GCKR: variants seen among roughly 807,000 people sequenced by gnomAD.
GCKR encodes the protein glucokinase regulator.
Under a neutral mutation model 82.9 loss-of-function variants are expected in GCKR, and 73 were observed. That is an observed-to-expected ratio of 0.88 (90% CI 0.73 to 1.07). The LOEUF (loss-of-function observed/expected upper bound fraction) is 1.07, where lower values mean the gene tolerates loss of function less well. Among genes scored for constraint, GCKR ranks in the 50% least tolerant of loss-of-function variants. GCKR has a pLI of 0.00. For synonymous variants in GCKR, 294 were observed against 291.8 expected, an observed-to-expected ratio of 1.01 and a Z score of -0.08; for missense variants, 784 against 782.1, an observed-to-expected ratio of 1.00 and a Z score of -0.03.
rs1260320 is a variant in GCKR, at chr2:27,499,549, G to A, written c.549+99G>A. 0.4 allele frequency: 374,779 copies of A among 939,902 alleles called. 78,893 individuals are homozygous for A. The highest frequency in any genetic ancestry group is 0.58 in the African/African-American group (36,271 of 62,222). The allele number at this position is 939,902 out of a possible 1,614,324, so 58.2% of individuals were successfully genotyped here. On this transcript the variant is annotated intron_variant, in intron 7 of 18. Transcript: ENST00000264717. ...TAGATCAATGAGATCGGTGCTAGAA[G>A]GCAGGAAGTTTGCTCAAGGAATTTT...
chr2:27,516,125 T>C (rs1378477251), intron 16 of GCKR, among the ~76,000 whole-genome samples: 1 of 151,696 alleles, frequency 6.6e-6, no homozygotes, highest in Non-Finnish European at 1.5e-5. Context: ...TTTAGGATGC[T>C]ATCTGTGTCA....
intron 17 of GCKR, among the ~76,000 whole-genome samples, chr2:27,520,846 G>A (rs955047910): frequency 2.0e-5 from 3 of 151,702 alleles, no homozygotes; most frequent in African/African-American, 7.3e-5. Context: ...GACCAGCCTG[G>A]CCAACATGGT....
intron 17 of GCKR, among the ~76,000 whole-genome samples, chr2:27,521,865 G>A (rs1230834590): frequency 6.6e-6 from 1 of 152,082 alleles, no homozygotes; most frequent in Non-Finnish European, 1.5e-5. Flanking sequence ...TGGGACGATA[G>A]GCAGGTGCCA....
At chr2:27,497,699 T>C (rs1015167699) in intron 3 of GCKR, 69 bp downstream of exon 3, 1 of 945,082 alleles carries the variant, frequency 1.1e-6, no homozygotes, top group Non-Finnish European at 1.7e-6. Flanking sequence ...ACTGTCTCTA[T>C]TTCTCACTTT....
intron 8 of GCKR, chr2:27,501,838 TC>T (rs1200862633): frequency 6.4e-6 from 3 of 465,958 alleles, no homozygotes; most frequent in African/African-American, 6.0e-5. Flanking sequence ...CCAGTAGTGC[TC>T]AGATGTGGTT....
At position 27,497,238 on chromosome 2, in the gene GCKR, T is replaced by C; in HGVS notation, c.61-6T>C. ...CTGCTCCATCCTTGTCCCCTCTTCC[T>C]TCTAGTTGTCTGGGTACGAGGCAGC... On this transcript the variant is annotated splice_polypyrimidine_tract_variant and splice_region_variant and intron_variant, in intron 1 of 18. Transcript: ENST00000264717. 1 of 1,614,220 alleles carries C rather than the reference T, an allele frequency of 6.2e-7. No individual in the cohort carries two copies. Among genetic ancestry groups the C allele is most frequent in the Non-Finnish European group, 8.5e-7 (1 of 1,180,010 alleles).
intron 8 of GCKR, chr2:27,501,795 C>T (rs1278109639): frequency 2.1e-6 from 1 of 471,160 alleles, no homozygotes; most frequent in Non-Finnish European, 4.4e-6. Flanking sequence ...TGTCAGTGGT[C>T]ACTCTTATTT....
At chr2:27,499,798 C>T (rs932074092) in intron 7 of GCKR, among the ~76,000 whole-genome samples, 1 of 152,218 alleles carries the variant, frequency 6.6e-6, no homozygotes, top group African/African-American at 2.4e-5. Context: ...CGCTCTGTCA[C>T]CCAGGCTGGA....
chr2:27,499,872 C>T (rs1284011615), intron 7 of GCKR, among the ~76,000 whole-genome samples: 3 of 151,954 alleles, frequency 2.0e-5, no homozygotes, highest in Non-Finnish European at 4.4e-5. Flanking sequence ...ATTCTCCTGC[C>T]TCAGCCTCCC....
At chr2:27,522,362 C>A in intron 17 of GCKR, 98 bp from the exon 18 acceptor site, 1 of 1,255,262 alleles carries the variant, frequency 8.0e-7, no homozygotes, top group Non-Finnish European at 1.2e-6. Flanking sequence ...GCCTCGGGAT[C>A]CCAGCCTCTC....
chr2:27,505,240 C>CA (rs1458759052), intron 9 of GCKR, among the ~76,000 whole-genome samples: 20 of 129,428 alleles, frequency 1.5e-4, no homozygotes, highest in African/African-American at 5.9e-4. Flanking sequence ...ACTAAAGATA[C>CA]AAAAAATTAG....
Position 27,505,971 on chromosome 2 carries a change from G to A in GCKR, c.869+135G>A. 5.4e-6 allele frequency: 4 copies of A among 744,818 alleles called. No individual in the cohort carries two copies. In the South Asian group the frequency reaches 5.5e-5, roughly 10 times the overall value. The allele number at this position is 744,818 out of a possible 1,614,324, so 46.1% of individuals were successfully genotyped here. A position where few individuals can be genotyped will look rare whatever the true frequency, so the allele number is the denominator to read the frequency against. ...CAGCCCACCACGCCTCCCCTGGGAA[G>A]GGAGCTGGGTAGTACATGCTGTTGC... is the stretch of plus-strand genomic sequence containing the variant. On this transcript the variant is annotated intron_variant, in intron 10 of 18. Coordinates refer to ENST00000264717, the MANE Select transcript of GCKR (RefSeq NM_001486.4).
intron 3 of GCKR, 42 bp downstream of exon 3, chr2:27,497,672 T>G (rs1437935857): frequency 8.3e-7 from 1 of 1,210,956 alleles, no homozygotes; most frequent in South Asian, 1.2e-5. Context: ...CTTTTCTGTT[T>G]CCCTCTTTCT....
chr2:27,501,695 C>T (rs1268941834), intron 8 of GCKR: 3 of 470,476 alleles, frequency 6.4e-6, no homozygotes, highest in Non-Finnish European at 1.3e-5. Flanking sequence ...TCCAGGCACC[C>T]CTTTCCTCCC....
Position 27,509,775 on chromosome 2 carries a change from CAA to C in GCKR, c.1422+1539_1422+1540del, listed in dbSNP as rs11295580. ...AAAATCACTCCAAATCTACCATCTT[CAA>C]AAAAAAAAAAAAAACACTCTAACAA... is the stretch of plus-strand genomic sequence containing the variant. On this transcript the variant is annotated intron_variant, in intron 16 of 18. Transcript: ENST00000264717. 78 of 124,938 alleles carry C rather than the reference CAA, an allele frequency of 6.2e-4. No individual in the cohort carries two copies. The East Asian group carries it at 6.7e-3, about 11-fold the overall frequency. 7.7% of individuals were successfully genotyped at this position (124,938 alleles called of 1,614,324 possible). A position where few individuals can be genotyped will look rare whatever the true frequency, so the allele number is the denominator to read the frequency against.
At chr2:27,509,596 C>A in intron 16 of GCKR, 1 of 419,782 alleles carries the variant, frequency 2.4e-6, no homozygotes, top group South Asian at 1.7e-5. Flanking sequence ...CCCGCCTTAG[C>A]CTCCCAAAGT....
chr2:27,505,672 G>T (rs749969638), intron 9 of GCKR, 46 bp from the exon 10 acceptor site: 2 of 1,008,520 alleles, frequency 2.0e-6, no homozygotes, highest in Admixed American at 1.7e-5. Context: ...GGTCTACGGG[G>T]TCTTCATCCT....
At chr2:27,505,649 G>T (rs1402665129) in intron 9 of GCKR, 69 bp from the exon 10 acceptor site, 3 of 830,662 alleles carry the variant, frequency 3.6e-6, no homozygotes, top group Non-Finnish European at 6.4e-6. Flanking sequence ...ATGCCCGGGG[G>T]TTACTAACAA....
chr2:27,500,547 C>T (rs942578811), intron 7 of GCKR, among the ~76,000 whole-genome samples: 8 of 152,236 alleles, frequency 5.3e-5, no homozygotes, highest in African/African-American at 1.9e-4. Flanking sequence ...ATAGGGCCCA[C>T]AAACCCTAAA....
Sources: gnomAD v4.1 joint callset for allele counts (sites outside exome capture counted in the v4.1 genomes callset) on GRCh38, gnomAD v4.1.1 for gene constraint, MANE v1.5 for transcripts, NCBI Gene and HGNC (gene_info 2026-07-23, HGNC 2026-07-21) for gene names.